Variants in NRDC observed in about 807,000 individuals in gnomAD.
NRDC encodes nardilysin.
Under a neutral mutation model 147.1 loss-of-function variants are expected in NRDC, and 54 were observed. The ratio of observed to expected loss-of-function variants is 0.37; its 90% CI spans 0.29 to 0.46. The LOEUF is 0.46. Ranked by LOEUF, NRDC falls within the 20% of genes least tolerant of loss-of-function variation. The probability of loss-of-function intolerance (pLI) is 1.00; values close to 1 mark genes in which losing one functional copy is unlikely to be tolerated. For synonymous variants in NRDC, 440 were observed against 482.1 expected, an observed-to-expected ratio of 0.91 and a Z score of 1.14; for missense variants, 1,082 against 1,370.6, an observed-to-expected ratio of 0.79 and a Z score of 3.33.
At chr1:51,864,730 T>A (rs1276939789) in intron 1 of NRDC, among the ~76,000 whole-genome samples, 1 of 152,056 alleles carries the variant, frequency 6.6e-6, no homozygotes, top group Non-Finnish European at 1.5e-5. Flanking sequence ...GGAGGGCAGA[T>A]CACTTGAGGC....
chr1:51,877,233 G>C (rs1050312211), intron 1 of NRDC, among the ~76,000 whole-genome samples: 2 of 152,116 alleles, frequency 1.3e-5, no homozygotes, highest in African/African-American at 4.8e-5. Context: ...TTTGGTGTCA[G>C]ATAGTAGGGG....
intron 20 of NRDC, among the ~76,000 whole-genome samples, chr1:51,803,445 A>G (rs1167754151): frequency 2.0e-5 from 3 of 148,930 alleles, no homozygotes; most frequent in African/African-American, 7.5e-5. Context: ...ACTGCATTCC[A>G]GTCTGGGTGA....
intron 1 of NRDC, among the ~76,000 whole-genome samples, chr1:51,872,538 CA>C (rs1683133096): frequency 6.6e-6 from 1 of 151,906 alleles, no homozygotes; most frequent in Non-Finnish European, 1.5e-5. Context: ...CCCAACTCTA[CA>C]AAAAAGGACA....
At chr1:51,863,128 A>G (rs1682636484) in intron 1 of NRDC, among the ~76,000 whole-genome samples, 1 of 150,388 alleles carries the variant, frequency 6.6e-6, no homozygotes, top group South Asian at 2.1e-4. Flanking sequence ...GAGGCCAGGC[A>G]TGGTGGCTCA....
chr1:51,864,713 AG>A (rs1682717446), intron 1 of NRDC, among the ~76,000 whole-genome samples: 1 of 152,068 alleles, frequency 6.6e-6, no homozygotes, highest in East Asian at 1.9e-4. Flanking sequence ...GAACTTTGGG[AG>A]GACAAGGAGG....
chr1:51,798,665 C>T (rs2149190265), intron 21 of NRDC: 1 of 343,200 alleles, frequency 2.9e-6, no homozygotes, highest in South Asian at 5.6e-5. Context: ...TAAAATATTT[C>T]ACATAAAAGT....
intron 1 of NRDC, among the ~76,000 whole-genome samples, chr1:51,872,208 T>C (rs181899691): frequency 6.6e-6 from 1 of 152,136 alleles, no homozygotes; most frequent in Admixed American, 6.5e-5. Context: ...TTTTGTTTTT[T>C]TGAGACAGAG....
intron 10 of NRDC, among the ~76,000 whole-genome samples, chr1:51,816,762 TACC>T (rs1679987783): frequency 2.0e-5 from 3 of 152,320 alleles, no homozygotes; most frequent in Admixed American, 2.0e-4. Flanking sequence ...AAGCTTTTGG[TACC>T]ACATTGGGTT....
rs532119031 is a variant in NRDC, at chr1:51,819,010, G to C, written c.1291+790C>G. Among the ~76,000 whole-genome samples, 3 of 152,192 alleles carry C rather than the reference G, an allele frequency of 2.0e-5. No homozygotes were observed. The South Asian group carries it at 6.2e-4, about 32-fold the overall frequency. On this transcript the variant is annotated intron_variant, in intron 9 of 30. Coordinates refer to ENST00000352171, the MANE Select transcript of NRDC (RefSeq NM_001101662.2). The stretch of plus-strand genomic sequence containing the variant: ...AATATACCTATTAGAAAATCAGAAA[G>C]AAATCTGGAGGCCGGGCGTGGTGGC...
chr1:51,809,401 T>C lies in NRDC; in HGVS notation c.1904A>G (p.Asp635Gly), dbSNP rs745428436. 8 of 1,600,646 alleles carry C rather than the reference T, an allele frequency of 5.0e-6. No homozygotes were observed. Among genetic ancestry groups the C allele is most frequent in the Non-Finnish European group, 6.9e-6 (8 of 1,167,756 alleles). Residue 635 changes from aspartate (D) to glycine (G), a missense_variant and splice_region_variant, in exon 17 of 31, where the codon GAT becomes GGT. By Grantham distance (94) the Asp-to-Gly change is moderately conservative (BLOSUM62 -1). Transcript: ENST00000352171. ...CAGTTCAGCCCAAGAGTTTTCAATA[T>C]CTGTAAAGGAGAAAAATAAACTGAC... The part of the protein sequence containing the change: ...KWFGTQYSIE[D>G]IENSWAELWN...
In NRDC at chr1:51,789,673, A is replaced by G; in HGVS notation, c.3169-16T>C. Reference sequence around the variant, plus strand: ...GTGCTTCAATCTTACAAGGGAAGGGAAGATAGGAAAGAAATTCAAGAAGAA... The same window carrying G: ...GTGCTTCAATCTTACAAGGGAAGGGGAGATAGGAAAGAAATTCAAGAAGAA... On this transcript the variant is annotated splice_polypyrimidine_tract_variant and intron_variant, in intron 29 of 30. Coordinates refer to ENST00000352171, the MANE Select transcript of NRDC (RefSeq NM_001101662.2). 1.3e-6 allele frequency: 2 copies of G among 1,558,768 alleles called. No homozygotes were observed. The highest frequency in any genetic ancestry group is 8.9e-7 in the Non-Finnish European group (1 of 1,129,840).
At chr1:51,790,769 G>T in intron 28 of NRDC, 120 bp from the exon 29 acceptor site, 1 of 955,574 alleles carries the variant, frequency 1.0e-6, no homozygotes, top group South Asian at 1.4e-5. Flanking sequence ...CACGGATGAA[G>T]CTAGGGAGAC....
intron 1 of NRDC, among the ~76,000 whole-genome samples, chr1:51,873,391 CAT>C (rs1683172144): frequency 6.6e-6 from 1 of 152,134 alleles, no homozygotes; most frequent in South Asian, 2.1e-4. Flanking sequence ...TGTTCCACAG[CAT>C]ATAATAGTAA....
rs10716980 is a variant in NRDC, at chr1:51,796,591, CTT to C, written c.2604+1656_2604+1657del. On this transcript the variant is annotated intron_variant, in intron 22 of 30. Coordinates refer to ENST00000352171, the MANE Select transcript of NRDC (RefSeq NM_001101662.2). Reference sequence around the variant, plus strand: ...AATAATATAAAGTTTATAATCTCAACTTTTTTTTTTTTTAGACGAGGAGTCTC... The same window carrying C: ...AATAATATAAAGTTTATAATCTCAACTTTTTTTTTTTAGACGAGGAGTCTC... Among the ~76,000 whole-genome samples, 563 of 143,038 alleles carry C rather than the reference CTT, an allele frequency of 3.9e-3. 1 individual carries two copies. The highest frequency in any genetic ancestry group is 9.5e-3 in the African/African-American group (374 of 39,220). 93.8% of individuals were successfully genotyped at this position (143,038 alleles called of 152,430 possible). A position where few individuals can be genotyped will look rare whatever the true frequency, so the allele number is the denominator to read the frequency against.
At chr1:51,836,444 GA>G (rs755694577) in intron 2 of NRDC, 4 of 1,613,080 alleles carry the variant, frequency 2.5e-6, no homozygotes, top group South Asian at 2.2e-5. Context: ...CAGACCTAAG[GA>G]AAAAAAGCAG....
At position 51,816,307 on chromosome 1, in the gene NRDC, C is replaced by T; in HGVS notation, c.1439+5G>A. The T allele has an allele frequency of 1.3e-6, 2 of 1,578,008 alleles. No individual in the cohort carries two copies. Among genetic ancestry groups the T allele is most frequent in the African/African-American group, 2.7e-5 (2 of 73,620 alleles). ...ACTGAAAATACTTATTAATTGAATA[C>T]TTGCTTTTTCCTAAGGAAAGAAAGA... On this transcript the variant is annotated splice_donor_5th_base_variant and intron_variant, in intron 11 of 30. Coordinates refer to ENST00000352171, the MANE Select transcript of NRDC (RefSeq NM_001101662.2).
chr1:51,812,899 T>C (rs1411433714), intron 14 of NRDC, among the ~76,000 whole-genome samples: 4 of 146,010 alleles, frequency 2.7e-5, no homozygotes, highest in African/African-American at 1.0e-4. Context: ...GAGGCGGAGG[T>C]TGCAGTGAGC....
chr1:51,842,881 C>T (rs1681339529), intron 1 of NRDC, among the ~76,000 whole-genome samples: 1 of 151,762 alleles, frequency 6.6e-6, no homozygotes, highest in Admixed American at 6.6e-5. Context: ...GCCTGGGTAA[C>T]ATGGCAAAAC....
At chr1:51,835,880 T>A (rs12072942) in intron 3 of NRDC, among the ~76,000 whole-genome samples, 6,861 of 152,302 alleles carry the variant, frequency 0.045, 497 homozygotes, top group African/African-American at 0.16. Flanking sequence ...TCCGTTGGCC[T>A]TAACATAGCT....
Sources: gnomAD v4.1 joint callset for allele counts (sites outside exome capture counted in the v4.1 genomes callset) on GRCh38, gnomAD v4.1.1 for gene constraint, MANE v1.5 for transcripts, NCBI Gene and HGNC (gene_info 2026-07-23, HGNC 2026-07-21) for gene names.